Variants in PCDHA3 observed in about 807,000 individuals in gnomAD.
PCDHA3 encodes protocadherin alpha-3.
PCDHA3 carries 41 observed loss-of-function variants against 62.2 expected under a neutral mutation model. That is an observed-to-expected ratio of 0.66 (90% CI 0.51 to 0.86). PCDHA3 has a LOEUF of 0.86. Ranked by LOEUF, PCDHA3 falls within the 40% of genes least tolerant of loss-of-function variation. The pLI is 0.00. For synonymous variants in PCDHA3, 640 were observed against 555.4 expected (o/e 1.15, Z -2.14); for missense variants, 1,304 against 1,241.2 (o/e 1.05, Z -0.76).
At chr5:140,992,271 T>C (rs1375901464) in intron 3 of PCDHA3, among the ~76,000 whole-genome samples, 1 of 152,184 alleles carries the variant, frequency 6.6e-6, no homozygotes, top group African/African-American at 2.4e-5. Flanking sequence ...GTTCTTTTCG[T>C]AGCACATCCC....
chr5:140,942,429 A>C (rs543442477), intron 1 of PCDHA3, among the ~76,000 whole-genome samples: 1 of 152,226 alleles, frequency 6.6e-6, no homozygotes, highest in Admixed American at 6.5e-5. Context: ...AAAGATATCT[A>C]ACAATAAACA....
chr5:140,822,884 T>A (rs2150120043), intron 1 of PCDHA3: 1 of 1,614,242 alleles, frequency 6.2e-7, no homozygotes, highest in Admixed American at 1.7e-5. Context: ...GTCATTGCTC[T>A]GATCAGCGTG....
intron 1 of PCDHA3, chr5:140,807,234 TCTTA>T (rs782378841): frequency 1.1e-5 from 18 of 1,614,094 alleles, no homozygotes; most frequent in African/African-American, 2.7e-5. Context: ...CGTCTGCTGC[TCTTA>T]CTTCTTCTCC....
Position 140,842,210 on chromosome 5 carries a change from C to T in PCDHA3, c.2394+38619C>T, listed in dbSNP as rs2150331831. ...GGTTATTGACCACTTTAGCATAGAT[C>T]GAAATACGGGAGAAATAGTGATTCG... is the stretch of plus-strand genomic sequence containing the variant. On this transcript the variant is annotated intron_variant, in intron 1 of 3. Transcript: ENST00000522353. 73 of 1,613,414 alleles carry T rather than the reference C, an allele frequency of 4.5e-5. 2 individuals are homozygous for T. The South Asian group carries it at 7.8e-4, about 17-fold the overall frequency.
At chr5:140,862,824 G>C (rs1205805230) in intron 1 of PCDHA3, 1 of 571,890 alleles carries the variant, frequency 1.7e-6, no homozygotes, top group Non-Finnish European at 3.4e-6. Flanking sequence ...AGGTGAGAGC[G>C]CGCGACGCGG....
intron 1 of PCDHA3, among the ~76,000 whole-genome samples, chr5:140,918,873 C>A (rs774088807): frequency 2.0e-5 from 3 of 152,166 alleles, no homozygotes; most frequent in Non-Finnish European, 4.4e-5. Flanking sequence ...AACTTTCAAG[C>A]CTCTAGAACA....
chr5:140,968,871 C>A lies in PCDHA3; in HGVS notation c.2395-10078C>A, dbSNP rs782670653. 11 of 1,614,218 alleles carry A rather than the reference C, an allele frequency of 6.8e-6. No individual in the cohort carries two copies. In the South Asian group the frequency reaches 1.2e-4, roughly 18 times the overall value. On this transcript the variant is annotated intron_variant, in intron 1 of 3. Coordinates refer to ENST00000522353, the MANE Select transcript of PCDHA3 (RefSeq NM_018906.3). ...CATGTTAAGAGCCCTCGGACATACT[C>A]TGAAATTACCCTTTATCTAATAATA...
At chr5:140,834,327 T>A (rs1181484753) in intron 1 of PCDHA3, 1 of 1,451,888 alleles carries the variant, frequency 6.9e-7, no homozygotes, top group Non-Finnish European at 9.4e-7. Flanking sequence ...GATAAAAACA[T>A]TCCTATAAAT....
intron 1 of PCDHA3, among the ~76,000 whole-genome samples, chr5:140,932,553 C>T (rs1288415511): frequency 6.6e-6 from 1 of 151,798 alleles, no homozygotes; most frequent in African/African-American, 2.4e-5. Context: ...AACATACATT[C>T]CACAAGTAGA....
chr5:140,989,745 C>A (rs1554251059), intron 3 of PCDHA3, among the ~76,000 whole-genome samples: 2 of 152,154 alleles, frequency 1.3e-5, no homozygotes, highest in African/African-American at 4.8e-5. Context: ...ATTGCCTAAT[C>A]TGGAGAAACA....
chr5:140,814,250 A>G (rs1436384389), intron 1 of PCDHA3: 1 of 152,380 alleles, frequency 6.6e-6, no homozygotes, highest in East Asian at 1.9e-4. Context: ...AAATGAAGAT[A>G]TAAACACCCA....
At chr5:140,803,905 T>C (rs185777176) in intron 1 of PCDHA3, 1 of 516,614 alleles carries the variant, frequency 1.9e-6, no homozygotes, top group Non-Finnish European at 3.4e-6. Flanking sequence ...ATTTAGAGAA[T>C]CTGACTTCGA....
chr5:140,850,473 A>T lies in PCDHA3; in HGVS notation c.2394+46882A>T, dbSNP rs1320071862. 8.8e-6 allele frequency: 14 copies of T among 1,597,572 alleles called. 1 individual carries two copies. The highest frequency in any genetic ancestry group is 1.2e-5 in the Non-Finnish European group (14 of 1,167,568). On this transcript the variant is annotated intron_variant, in intron 1 of 3. Transcript: ENST00000522353. ...GAAAGACCACGGGGAGCCAGCGCTGACGGCCACGGCCACTGTGCTGGTGTC... is the reference window on the plus strand; with the variant it reads ...GAAAGACCACGGGGAGCCAGCGCTGTCGGCCACGGCCACTGTGCTGGTGTC...
chr5:140,809,266 G>A, intron 1 of PCDHA3: 1 of 1,614,114 alleles, frequency 6.2e-7, no homozygotes, highest in Non-Finnish European at 8.5e-7. Context: ...ATGCTGCGCT[G>A]GTGGATGTCA....
chr5:140,803,126 G>T lies in PCDHA3; in HGVS notation c.1929G>T (p.Pro643=). ...TTRALDEVDA[P]RHRLLVLVKD... Reference sequence around the variant, plus strand: ...GTGCCCTGGACGAGGTGGACGCCCCGCGCCATCGCCTACTGGTGCTGGTGA... The same window carrying T: ...GTGCCCTGGACGAGGTGGACGCCCCTCGCCATCGCCTACTGGTGCTGGTGA... Residue 643 remains proline (P), a synonymous_variant, in exon 1 of 4, where the codon CCG becomes CCT. Transcript: ENST00000522353. 6.2e-7 allele frequency: 1 copy of T among 1,613,810 alleles called. No homozygotes were observed. The highest frequency in any genetic ancestry group is 8.5e-7 in the Non-Finnish European group (1 of 1,179,934).
intron 1 of PCDHA3, among the ~76,000 whole-genome samples, chr5:140,872,031 C>A (rs1383565952): frequency 6.6e-6 from 1 of 152,220 alleles, no homozygotes; most frequent in Non-Finnish European, 1.5e-5. Context: ...AACTGCTAAG[C>A]TCAAAGAATT....
intron 1 of PCDHA3, chr5:140,870,531 G>C (rs1554164370): frequency 6.2e-7 from 1 of 1,614,196 alleles, no homozygotes; most frequent in Admixed American, 1.7e-5. Flanking sequence ...TCTTCACAGT[G>C]TCGGCGCGGG....
At chr5:140,884,577 T>C (rs2060274481) in intron 1 of PCDHA3, 2 of 1,614,230 alleles carry the variant, frequency 1.2e-6, no homozygotes, top group East Asian at 4.5e-5. Context: ...ACGGACCTCA[T>C]GGCCTTCAGT....
At chr5:140,928,276 G>T in intron 1 of PCDHA3, 1 of 1,614,172 alleles carries the variant, frequency 6.2e-7, no homozygotes, top group Non-Finnish European at 8.5e-7. Context: ...TGGCCCTGGG[G>T]CCTCTCTAGG....
Sources: gnomAD v4.1 joint callset for allele counts (sites outside exome capture counted in the v4.1 genomes callset) on GRCh38, gnomAD v4.1.1 for gene constraint, MANE v1.5 for transcripts, NCBI Gene and HGNC (gene_info 2026-07-23, HGNC 2026-07-21) for gene names.